Variants in KAT7 observed in about 807,000 individuals in gnomAD.
KAT7 encodes the protein histone acetyltransferase KAT7.
Under a neutral mutation model 82.1 loss-of-function variants are expected in KAT7, and 10 were observed. The observed-to-expected ratio is 0.12, with a 90% CI of 0.08 to 0.21. The LOEUF (loss-of-function observed/expected upper bound fraction) is 0.21. Ranked by LOEUF, KAT7 falls within the 10% of genes least tolerant of loss-of-function variation. KAT7 has a pLI of 1.00. For synonymous variants in KAT7, 250 were observed against 262.5 expected (o/e 0.95, Z 0.46); for missense variants, 378 against 760.9 (o/e 0.50, Z 5.92).
intron 4 of KAT7, among the ~76,000 whole-genome samples, chr17:49,798,826 C>A (rs1374138915): frequency 1.3e-5 from 2 of 152,172 alleles, no homozygotes; most frequent in Admixed American, 1.3e-4. Flanking sequence ...CCCTCATTTT[C>A]CTAGCAAAAG....
At chr17:49,809,920 T>A (rs2074140343) in intron 6 of KAT7, among the ~76,000 whole-genome samples, 1 of 152,250 alleles carries the variant, frequency 6.6e-6, no homozygotes, top group African/African-American at 2.4e-5. Context: ...TGTTAGCCTT[T>A]GTGACATATT....
chr17:49,818,157 A>T, intron 9 of KAT7, 146 bp downstream of exon 9: 1 of 654,904 alleles, frequency 1.5e-6, no homozygotes, highest in Non-Finnish European at 2.6e-6. Context: ...GACAGGCCAC[A>T]GCTTAAGGCG....
rs1430560756 is a variant in KAT7 at position 49,831,247 on chromosome 17, G to A, written c.*3745G>A. On this transcript the variant is annotated 3_prime_UTR_variant, in exon 15 of 15. Transcript: ENST00000259021. ...GCTGAGATGATGCCACTGCACTCCA[G>A]CCTGGGTGACAGAGTGAGACCCTGT... The A allele has an allele frequency of 6.6e-6, 1 of 152,286 alleles. No individual in the cohort carries two copies. Among genetic ancestry groups the A allele is most frequent in the Non-Finnish European group, 1.5e-5 (1 of 68,092 alleles). The allele number at this position is 152,286 out of a possible 1,614,324, so 9.4% of individuals were successfully genotyped here.
chr17:49,803,890 CTTT>C (rs750265866), intron 4 of KAT7, among the ~76,000 whole-genome samples: 3 of 134,670 alleles, frequency 2.2e-5, no homozygotes, highest in Non-Finnish European at 3.2e-5. Flanking sequence ...AATTAAATGT[CTTT>C]TTTTTTTTTT....
At chr17:49,821,240 C>T in intron 9 of KAT7, 97 bp from the exon 10 acceptor site, 2 of 821,814 alleles carry the variant, frequency 2.4e-6, no homozygotes, top group Non-Finnish European at 4.0e-6. Flanking sequence ...TCCGGTAGCT[C>T]AGTTAACCAC....
chr17:49,791,676 C>T (rs1370924977), intron 1 of KAT7, among the ~76,000 whole-genome samples: 1 of 152,132 alleles, frequency 6.6e-6, no homozygotes, highest in Non-Finnish European at 1.5e-5. Context: ...ATTTATTTAA[C>T]AAAATTCCCT....
At chr17:49,803,112 AT>A (rs112615539) in intron 4 of KAT7, among the ~76,000 whole-genome samples, 52 of 143,252 alleles carry the variant, frequency 3.6e-4, no homozygotes, top group South Asian at 2.4e-3. Context: ...CTAAAATTGC[AT>A]TTTTTTTTTT....
intron 3 of KAT7, among the ~76,000 whole-genome samples, chr17:49,798,044 C>G (rs984153666): frequency 1.3e-5 from 2 of 152,184 alleles, no homozygotes; most frequent in African/African-American, 4.8e-5. Flanking sequence ...GTATTTCCAT[C>G]TAGTTTTGAT....
intron 1 of KAT7, chr17:49,789,481 C>T (rs2073856083): frequency 7.7e-6 from 1 of 129,256 alleles, no homozygotes; most frequent in East Asian, 2.3e-4. Flanking sequence ...AGTTCGACAG[C>T]GCCTAGAAAA....
At chr17:49,816,023 G>T in intron 8 of KAT7, 110 bp downstream of exon 8, 1 of 651,390 alleles carries the variant, frequency 1.5e-6, no homozygotes. Context: ...CTTGCTTCTG[G>T]AATCTCTTTC....
rs185961283 is a variant in KAT7, at chr17:49,826,858, A to C, written c.1734+59A>C. The C allele has an allele frequency of 7.1e-5, 79 of 1,113,188 alleles. No homozygotes were observed. The Admixed American group carries it at 7.5e-4, about 11-fold the overall frequency. The allele number at this position is 1,113,188 out of a possible 1,614,324, so 69.0% of individuals were successfully genotyped here. ...GATGTCCTTCAAGACTTAGCAGAGC[A>C]AAGTATGGGCCTTAAGACTGGAGAA... is the stretch of plus-strand genomic sequence containing the variant. On this transcript the variant is annotated intron_variant, in intron 14 of 14. Transcript: ENST00000259021.
intron 8 of KAT7, among the ~76,000 whole-genome samples, chr17:49,817,364 T>C (rs1444180002): frequency 6.6e-6 from 1 of 152,226 alleles, no homozygotes; most frequent in Non-Finnish European, 1.5e-5. Context: ...ACCTGTGTGA[T>C]TTTTCATGTA....
intron 11 of KAT7, 59 bp downstream of exon 11, chr17:49,821,849 A>G (rs946840037): frequency 2.5e-5 from 38 of 1,517,614 alleles, no homozygotes; most frequent in Non-Finnish European, 3.5e-5. Flanking sequence ...CCATGTTCGC[A>G]GTTGGGGGCT....
rs948028415 is a variant in KAT7, at chr17:49,821,299, G to A, written c.1156-38G>A. The stretch of plus-strand genomic sequence containing the variant: ...CTTTTGAGGAGCAGTCTTGTTGGGA[G>A]GCTTTGGTTCCCTGATGTGAATTTC... On this transcript the variant is annotated intron_variant, in intron 9 of 14. Coordinates refer to ENST00000259021, the MANE Select transcript of KAT7 (RefSeq NM_007067.5). 2.0e-6 allele frequency: 3 copies of A among 1,494,584 alleles called. No individual in the cohort carries two copies. In the Admixed American group the frequency reaches 5.1e-5, roughly 26 times the overall value. The allele number at this position is 1,494,584 out of a possible 1,614,324, so 92.6% of individuals were successfully genotyped here.
At chr17:49,801,640 C>A (rs2074026004) in intron 4 of KAT7, among the ~76,000 whole-genome samples, 1 of 152,128 alleles carries the variant, frequency 6.6e-6, no homozygotes, top group African/African-American at 2.4e-5. Context: ...CAGGCACATG[C>A]CACCATGCTC....
intron 5 of KAT7, among the ~76,000 whole-genome samples, chr17:49,805,866 GTTCCTTT>G (rs1378905545): frequency 2.0e-5 from 3 of 152,090 alleles, no homozygotes; most frequent in Non-Finnish European, 2.9e-5. Context: ...CATAATTCTT[GTTCCTTT>G]TTCTGTCCAT....
rs749564530 is a variant in KAT7 at position 49,834,480 on chromosome 17, T to C, written c.*6978T>C. 6.6e-6 allele frequency: 1 copy of C among 152,264 alleles called. No homozygotes were observed. Among genetic ancestry groups the C allele is most frequent in the Non-Finnish European group, 1.5e-5 (1 of 68,050 alleles). 9.4% of individuals were successfully genotyped at this position (152,264 alleles called of 1,614,324 possible). A position where few individuals can be genotyped will look rare whatever the true frequency, so the allele number is the denominator to read the frequency against. On this transcript the variant is annotated 3_prime_UTR_variant, in exon 15 of 15. Coordinates refer to ENST00000259021, the MANE Select transcript of KAT7 (RefSeq NM_007067.5). ...GTCGAGATACTGCTCATCACCTGCCTGCTCCAGAATTCATGTGGCTTCTCA... is the reference window on the plus strand; with the variant it reads ...GTCGAGATACTGCTCATCACCTGCCCGCTCCAGAATTCATGTGGCTTCTCA...
Position 49,811,469 on chromosome 17 carries a change from C to CT in KAT7, c.754-3dup, listed in dbSNP as rs2074164566. The CT allele has an allele frequency of 7.0e-7, 1 of 1,423,656 alleles. No homozygotes were observed. The highest frequency in any genetic ancestry group is 1.5e-5 in the African/African-American group (1 of 68,588). The allele number at this position is 1,423,656 out of a possible 1,614,324, so 88.2% of individuals were successfully genotyped here. A position where few individuals can be genotyped will look rare whatever the true frequency, so the allele number is the denominator to read the frequency against. On this transcript the variant is annotated splice_polypyrimidine_tract_variant and splice_region_variant and intron_variant, in intron 6 of 14. Transcript: ENST00000259021. ...TTTTCTCTCAGTTTTCTCCTTTTTC[C>CT]TTTTAGGCACCAACGGAGAGACAGC...
intron 13 of KAT7, 56 bp from the exon 14 acceptor site, chr17:49,826,637 G>T (rs772868539): frequency 1.7e-6 from 2 of 1,158,992 alleles, no homozygotes; most frequent in Admixed American, 1.7e-5. Flanking sequence ...TTGGTTGGGG[G>T]CAAAGGGGTG....
Sources: allele counts gnomAD v4.1 joint callset (sites outside exome capture counted in the v4.1 genomes callset), GRCh38; gene constraint gnomAD v4.1.1; transcripts MANE v1.5; gene names NCBI Gene and HGNC (gene_info 2026-07-23, HGNC 2026-07-21).